SLC71A1: variants seen among roughly 807,000 people sequenced by gnomAD.
SLC71A1 encodes the protein hippocampus abundant gene transcript 1.
the SLC71A1 span, among the ~76,000 whole-genome samples, chr1:100,039,717 A>G: frequency 6.6e-6 from 1 of 152,254 alleles, no homozygotes; most frequent in Non-Finnish European, 1.5e-5. Flanking sequence ...CATTCTTCAT[A>G]AAATCTACAA....
chr1:100,058,806 C>T, the SLC71A1 span: 1 of 739,706 alleles, frequency 1.4e-6, no homozygotes, highest in Non-Finnish European at 2.3e-6. Flanking sequence ...TACATAAATA[C>T]ATATATATAA....
the SLC71A1 span, among the ~76,000 whole-genome samples, chr1:100,054,024 GT>G: frequency 1.4e-3 from 194 of 140,988 alleles, no homozygotes; most frequent in African/African-American, 2.6e-3. Flanking sequence ...GAATTTACCG[GT>G]TTTTTTTTTT....
the SLC71A1 span, among the ~76,000 whole-genome samples, chr1:100,042,477 G>T: frequency 6.6e-6 from 1 of 152,140 alleles, no homozygotes; most frequent in South Asian, 2.1e-4. Flanking sequence ...TCACCTGCAA[G>T]GATGGCTGAA....
chr1:100,040,876 A>G, the SLC71A1 span, among the ~76,000 whole-genome samples: 1 of 152,182 alleles, frequency 6.6e-6, no homozygotes, highest in Non-Finnish European at 1.5e-5. Flanking sequence ...TCAGAGTTTC[A>G]GAGTTTTTAT....
At chr1:100,069,413 TGAGGGACCCACCATG>T in the SLC71A1 span, among the ~76,000 whole-genome samples, 2 of 152,230 alleles carry the variant, frequency 1.3e-5, no homozygotes, top group Non-Finnish European at 2.9e-5. Context: ...ATATCCACAT[TGAGGGACCCACCATG>T]GATAAGTAGG....
At chr1:100,049,610 C>T in the SLC71A1 span, among the ~76,000 whole-genome samples, 44 of 152,290 alleles carry the variant, frequency 2.9e-4, no homozygotes, top group African/African-American at 9.9e-4. Context: ...CTCCGCCTGT[C>T]TAACTCTGTT....
At chr1:100,051,261 C>T in the SLC71A1 span, among the ~76,000 whole-genome samples, 1 of 151,094 alleles carries the variant, frequency 6.6e-6, no homozygotes, top group Non-Finnish European at 1.5e-5. Context: ...CGTGGTGGTA[C>T]GCACCTGTAA....
the SLC71A1 span, among the ~76,000 whole-genome samples, chr1:100,081,697 T>C: frequency 1.3e-5 from 2 of 152,198 alleles, no homozygotes; most frequent in South Asian, 2.1e-4. Flanking sequence ...TTGAGATCTT[T>C]CTATAAACGT....
the SLC71A1 span, among the ~76,000 whole-genome samples, chr1:100,044,222 G>T: frequency 3.3e-5 from 5 of 152,034 alleles, no homozygotes; most frequent in East Asian, 7.7e-4. Flanking sequence ...ATTATTTTTT[G>T]ATTTTTAAAT....
At chr1:100,081,773 A>G in the SLC71A1 span, among the ~76,000 whole-genome samples, 2 of 152,330 alleles carry the variant, frequency 1.3e-5, no homozygotes, top group Admixed American at 1.3e-4. Flanking sequence ...GAAAGTAATG[A>G]TGTAATATTT....
At chr1:100,051,752 C>T in the SLC71A1 span, among the ~76,000 whole-genome samples, 2 of 152,162 alleles carry the variant, frequency 1.3e-5, no homozygotes, top group African/African-American at 4.8e-5. Flanking sequence ...GACCATCACT[C>T]CTACCATTTA....
At chr1:100,038,845 T>C in the SLC71A1 span, among the ~76,000 whole-genome samples, 1 of 152,218 alleles carries the variant, frequency 6.6e-6, no homozygotes, top group Admixed American at 6.5e-5. Flanking sequence ...GCGTCGGTGC[T>C]CCGGCTCTGG....
chr1:100,077,516 T>A, the SLC71A1 span, among the ~76,000 whole-genome samples: 1 of 152,238 alleles, frequency 6.6e-6, no homozygotes, highest in Non-Finnish European at 1.5e-5. Context: ...AATGAGATTA[T>A]ACAGCTTTTG....
At chr1:100,058,865 TTAGA>T in the SLC71A1 span, 16 of 479,582 alleles carry the variant, frequency 3.3e-5, no homozygotes, top group African/African-American at 4.0e-5. Flanking sequence ...ATTTTTATAA[TTAGA>T]TGGAGTATAT....
At chr1:100,080,419 T>C in the SLC71A1 span, 1 of 1,148,320 alleles carries the variant, frequency 8.7e-7, no homozygotes, top group Non-Finnish European at 1.3e-6. Context: ...TTAAGTGATT[T>C]CATATTTGTA....
chr1:100,040,003 A>C, the SLC71A1 span, among the ~76,000 whole-genome samples: 3 of 152,228 alleles, frequency 2.0e-5, no homozygotes, highest in Admixed American at 1.3e-4. Context: ...GACACAAAAT[A>C]AAATGTTTGC....
chr1:100,047,056 C>T, the SLC71A1 span, among the ~76,000 whole-genome samples: 1 of 152,146 alleles, frequency 6.6e-6, no homozygotes, highest in Non-Finnish European at 1.5e-5. Flanking sequence ...TTATTTCTTA[C>T]TCATGCTTAA....
chr1:100,068,275 C>A, the SLC71A1 span: 1 of 1,167,642 alleles, frequency 8.6e-7, no homozygotes, highest in Non-Finnish European at 1.2e-6. Flanking sequence ...GTGGATATTT[C>A]TTTAGGGAAA....
chr1:100,059,053 AACTAT>A, the SLC71A1 span, among the ~76,000 whole-genome samples: 1 of 151,876 alleles, frequency 6.6e-6, no homozygotes, highest in Non-Finnish European at 1.5e-5. Flanking sequence ...AAGAGGAAAA[AACTAT>A]ACTAAAAAAC....
Sources: gnomAD v4.1 joint callset for allele counts (sites outside exome capture counted in the v4.1 genomes callset) on GRCh38, gnomAD v4.1.1 for gene constraint, MANE v1.5 for transcripts, NCBI Gene and HGNC (gene_info 2026-07-23, HGNC 2026-07-21) for gene names.